FRMD3: variants seen among roughly 807,000 people sequenced by gnomAD.
FRMD3 encodes the protein FERM domain containing 3, also known as FERM domain-containing protein 3.
In FRMD3, 33 loss-of-function variants were observed where a neutral mutation model predicts 70.2. The ratio of observed to expected loss-of-function variants is 0.47; its 90% confidence interval spans 0.36 to 0.63. The LOEUF (loss-of-function observed/expected upper bound fraction) is 0.63. FRMD3 is among the 20% of genes least tolerant of loss of function. FRMD3 has a pLI of 0.00. For missense variants in FRMD3, 632 were observed against 711.4 expected, an observed-to-expected ratio of 0.89 and a Z score of 1.27; for synonymous variants, 279 against 255.9, an observed-to-expected ratio of 1.09 and a Z score of -0.86.
rs775156528 is a variant in FRMD3, at chr9:83,538,078, C to G, written c.147+7G>C. 2.5e-6 allele frequency: 4 copies of G among 1,611,586 alleles called. No individual in the cohort carries two copies. In the South Asian group the frequency reaches 4.4e-5, roughly 18 times the overall value. The stretch of plus-strand genomic sequence containing the variant: ...TGCCCCGCGCCCTCGCCCGGTTCCA[C>G]GCGCACCTGGATGTGGCAGGAGATC... On this transcript the variant is annotated splice_region_variant and intron_variant, in intron 1 of 13. Transcript: ENST00000304195. This position sits in a 1 kb window ranked among gnomAD's most constrained non-coding sequence, Gnocchi z 4.7.
intron 1 of FRMD3, among the ~76,000 whole-genome samples, chr9:83,511,007 G>T (rs548247401): frequency 5.9e-5 from 9 of 152,296 alleles, no homozygotes; most frequent in African/African-American, 1.9e-4. Flanking sequence ...TGAATTGTAC[G>T]TTACGTGTAT....
chr9:83,327,986 G>A (rs1028176818), intron 6 of FRMD3, among the ~76,000 whole-genome samples: 2 of 152,082 alleles, frequency 1.3e-5, no homozygotes, highest in East Asian at 1.9e-4. Flanking sequence ...TGCAAATTTG[G>A]ACAGCTGCCA....
At position 83,244,861 on chromosome 9, in the gene FRMD3, T is replaced by C. The variant is rs1832014893; in HGVS notation, c.*3057A>G. ...ATTCCAAATACATAACATTTTACAATATTTTTCAAGCACAGACAAATACAT... is the reference window on the plus strand; with the variant it reads ...ATTCCAAATACATAACATTTTACAACATTTTTCAAGCACAGACAAATACAT... On this transcript the variant is annotated 3_prime_UTR_variant, in exon 14 of 14. Coordinates refer to ENST00000304195, the MANE Select transcript of FRMD3 (RefSeq NM_174938.6). 1 of 984,472 alleles carries C rather than the reference T, an allele frequency of 1.0e-6. No individual in the cohort carries two copies. Among genetic ancestry groups the C allele is most frequent in the Non-Finnish European group, 1.2e-6 (1 of 829,490 alleles). The allele number at this position is 984,472 out of a possible 1,614,324, so 61.0% of individuals were successfully genotyped here. A position where few individuals can be genotyped will look rare whatever the true frequency, so the allele number is the denominator to read the frequency against.
rs1824219186 is a variant in FRMD3, at chr9:83,353,166, G to A, written c.296-3409C>T. ...TCACCAATAAAAGAAGAGTGTCCCT[G>A]TAAGTTGGAAGAACCACTCAGTTCT... On this transcript the variant is annotated intron_variant, in intron 3 of 13. Coordinates refer to ENST00000304195, the MANE Select transcript of FRMD3 (RefSeq NM_174938.6). Among the ~76,000 whole-genome samples the A allele has an allele frequency of 2.0e-5, 3 of 150,902 alleles. No homozygotes were observed. The South Asian group carries it at 6.3e-4, about 32-fold the overall frequency.
At chr9:83,464,399 C>T (rs1409937004) in intron 1 of FRMD3, among the ~76,000 whole-genome samples, 5 of 152,144 alleles carry the variant, frequency 3.3e-5, no homozygotes, top group Non-Finnish European at 5.9e-5. Context: ...AGGGGGCCAG[C>T]TAGGTTCTGG....
chr9:83,533,491 TC>T (rs1829830034), intron 1 of FRMD3, among the ~76,000 whole-genome samples: 1 of 152,160 alleles, frequency 6.6e-6, no homozygotes, highest in South Asian at 2.1e-4. Flanking sequence ...ACTCCAAATG[TC>T]AAATGACTCA....
intron 1 of FRMD3, among the ~76,000 whole-genome samples, chr9:83,516,452 G>A (rs1226129855): frequency 6.6e-6 from 1 of 152,074 alleles, no homozygotes; most frequent in Admixed American, 6.5e-5. Flanking sequence ...TCCAATACAG[G>A]AGCACCCAGA....
At chr9:83,480,082 T>A (rs1330047821) in intron 1 of FRMD3, among the ~76,000 whole-genome samples, 1 of 152,248 alleles carries the variant, frequency 6.6e-6, no homozygotes, top group Non-Finnish European at 1.5e-5. Context: ...TGCCATTCCA[T>A]TCTTAGATAT....
intron 1 of FRMD3, among the ~76,000 whole-genome samples, chr9:83,496,261 G>A (rs941294679): frequency 3.3e-5 from 5 of 152,150 alleles, no homozygotes; most frequent in Non-Finnish European, 7.3e-5. Context: ...AATAGTATGA[G>A]ACTATTGCAA....
intron 13 of FRMD3, among the ~76,000 whole-genome samples, chr9:83,278,636 G>C (rs1362182293): frequency 1.3e-5 from 2 of 152,194 alleles, no homozygotes. Context: ...AAGAGAACAT[G>C]GCCCCAGGGG....
intron 1 of FRMD3, among the ~76,000 whole-genome samples, chr9:83,507,687 C>T (rs1239194421): frequency 3.2e-4 from 15 of 46,898 alleles, no homozygotes; most frequent in Non-Finnish European, 6.2e-4. Flanking sequence ...AAAAAATATA[C>T]ATACATATAT....
rs542794078 is a variant in FRMD3, at chr9:83,361,509, A to G, written c.295+11404T>C. ...ATGAATTGTGCAAAGCTTTACTGTC[A>G]AAAGCATGTGACCAAGGTCAGCAAA... On this transcript the variant is annotated intron_variant, in intron 3 of 13. Transcript: ENST00000304195. Among the ~76,000 whole-genome samples the G allele has an allele frequency of 7.9e-5, 12 of 152,322 alleles. No homozygotes were observed. The South Asian group carries it at 1.9e-3, about 24-fold the overall frequency.
chr9:83,339,241 T>C (rs1823677943), intron 5 of FRMD3, among the ~76,000 whole-genome samples: 1 of 152,232 alleles, frequency 6.6e-6, no homozygotes, highest in South Asian at 2.1e-4. Context: ...TCACAGGCCC[T>C]GCTCTGATTC....
intron 1 of FRMD3, among the ~76,000 whole-genome samples, chr9:83,495,412 T>C (rs986085694): frequency 3.9e-5 from 6 of 152,202 alleles, no homozygotes; most frequent in Admixed American, 1.3e-4. Flanking sequence ...GTTAATAAAA[T>C]GTAGGAGAAG....
At chr9:83,403,495 C>A (rs2131323284) in intron 1 of FRMD3, among the ~76,000 whole-genome samples, 1 of 152,200 alleles carries the variant, frequency 6.6e-6, no homozygotes, top group Middle Eastern at 3.4e-3. Context: ...AGGTAGGATC[C>A]TGAGAAGGTT....
intron 3 of FRMD3, among the ~76,000 whole-genome samples, chr9:83,351,218 T>G (rs186564344): frequency 6.6e-6 from 1 of 152,128 alleles, no homozygotes; most frequent in African/African-American, 2.4e-5. Flanking sequence ...ATAATAAGAA[T>G]AATTTAATAT....
intron 1 of FRMD3, among the ~76,000 whole-genome samples, chr9:83,486,828 G>A (rs1828700084): frequency 1.3e-5 from 2 of 152,028 alleles, no homozygotes; most frequent in African/African-American, 2.4e-5. Flanking sequence ...CAATTCAAAT[G>A]TGCACACACA....
chr9:83,446,527 G>A (rs1271754682), intron 1 of FRMD3, among the ~76,000 whole-genome samples: 4 of 151,700 alleles, frequency 2.6e-5, no homozygotes, highest in African/African-American at 4.8e-5. Flanking sequence ...GGCGCCTGTA[G>A]TCCCAGCTAC....
At chr9:83,450,779 C>T (rs1019067856) in intron 1 of FRMD3, among the ~76,000 whole-genome samples, 1 of 152,146 alleles carries the variant, frequency 6.6e-6, no homozygotes, top group East Asian at 1.9e-4. Context: ...AGAAAAATAC[C>T]GTGCTGCAAG....
Sources: allele counts gnomAD v4.1 joint callset (sites outside exome capture counted in the v4.1 genomes callset), GRCh38; gene constraint gnomAD v4.1.1; non-coding constraint Gnocchi (gnomAD v3.1); transcripts MANE v1.5; gene names NCBI Gene and HGNC (gene_info 2026-07-23, HGNC 2026-07-21).